The following UBAP2 variants were observed in gnomAD, a reference collection of about 807,000 sequenced individuals.
The protein encoded by UBAP2 is ubiquitin associated protein 2.
Under a neutral mutation model 139.6 loss-of-function variants are expected in UBAP2, and 75 were observed. The observed-to-expected ratio is 0.54, with a 90% CI of 0.45 to 0.65. The LOEUF (loss-of-function observed/expected upper bound fraction) is 0.65. UBAP2 is among the 30% of genes least tolerant of loss of function. The pLI, the probability that UBAP2 is intolerant of heterozygous loss-of-function variation, is 0.00. For synonymous variants in UBAP2, 526 were observed against 526.2 expected (o/e 1.00, Z 0.01); for missense variants, 1,368 against 1,369.6 (o/e 1.00, Z 0.02).
intron 10 of UBAP2, among the ~76,000 whole-genome samples, chr9:33,956,691 G>C (rs775503473): frequency 2.6e-5 from 4 of 152,072 alleles, no homozygotes; most frequent in South Asian, 2.1e-4. Flanking sequence ...GGAAAATGAT[G>C]AGACTAATGG....
At chr9:34,031,053 T>C (rs1389692649) in intron 1 of UBAP2, among the ~76,000 whole-genome samples, 2 of 152,120 alleles carry the variant, frequency 1.3e-5, no homozygotes, top group Non-Finnish European at 2.9e-5. Context: ...AAGACTAGCC[T>C]GGCAAGGTGG....
intron 1 of UBAP2, among the ~76,000 whole-genome samples, chr9:34,020,161 A>AC (rs1375090116): frequency 1.3e-5 from 2 of 151,360 alleles, no homozygotes; most frequent in African/African-American, 4.9e-5. Context: ...AAAAAAAAAA[A>AC]AAAAAAAAAA....
intron 1 of UBAP2, among the ~76,000 whole-genome samples, chr9:34,043,784 G>C (rs1827305339): frequency 6.6e-6 from 1 of 151,400 alleles, no homozygotes; most frequent in Non-Finnish European, 1.5e-5. Flanking sequence ...AGGAGCCATG[G>C]AGCCAGGCTC....
intron 1 of UBAP2, among the ~76,000 whole-genome samples, chr9:34,031,809 A>C (rs1161808704): frequency 6.6e-6 from 1 of 151,282 alleles, no homozygotes; most frequent in Non-Finnish European, 1.5e-5. Flanking sequence ...AAAAAGAAAG[A>C]AAAAAAGAGG....
chr9:33,922,862 C>A lies in UBAP2; in HGVS notation c.3089G>T (p.Gly1030Val). Residue 1030 changes from glycine (G) to valine (V), a missense_variant, in exon 28 of 29, where the codon GGA becomes GTA. Coordinates refer to ENST00000379238, the MANE Select transcript of UBAP2 (RefSeq NM_001370062.2). ...AGGTGGAGGCGTCCCTGCATGAAAT[C>A]CCTGCTTGTCAAAAGTCTACAGGGC... is the stretch of plus-strand genomic sequence containing the variant. Reference protein sequence around the residue: ...YNKTQTFDKQGFHAGTPPPFS... With the variant: ...YNKTQTFDKQVFHAGTPPPFS... The A allele has an allele frequency of 6.3e-7, 1 of 1,591,406 alleles. No homozygotes were observed. Among genetic ancestry groups the A allele is most frequent in the South Asian group, 1.1e-5 (1 of 88,148 alleles).
At chr9:33,986,890 A>G (rs765701943) in intron 5 of UBAP2, 53 bp from the exon 6 acceptor site, 5 of 1,485,122 alleles carry the variant, frequency 3.4e-6, no homozygotes, top group African/African-American at 2.8e-5. Context: ...CCTCTTGTAC[A>G]TAACCTTATC....
chr9:34,037,223 C>T (rs936998131), intron 1 of UBAP2, among the ~76,000 whole-genome samples: 2 of 152,040 alleles, frequency 1.3e-5, no homozygotes, highest in African/African-American at 4.8e-5. Flanking sequence ...CTCCTGACCT[C>T]GTGATCCGCC....
chr9:33,959,751 G>A (rs900739404), intron 10 of UBAP2, among the ~76,000 whole-genome samples: 2 of 152,052 alleles, frequency 1.3e-5, no homozygotes, highest in African/African-American at 4.8e-5. Flanking sequence ...AAGAGGTTGG[G>A]CATGGAACCA....
At chr9:34,007,615 CAT>C (rs1195749749) in intron 2 of UBAP2, among the ~76,000 whole-genome samples, 2 of 150,966 alleles carry the variant, frequency 1.3e-5, no homozygotes, top group East Asian at 1.9e-4. Context: ...TTGAAATGAT[CAT>C]ATGTTTTTTG....
intron 8 of UBAP2, among the ~76,000 whole-genome samples, chr9:33,965,235 T>A (rs1482443479): frequency 6.6e-6 from 1 of 152,208 alleles, no homozygotes; most frequent in Non-Finnish European, 1.5e-5. Context: ...ATCATTACTA[T>A]CCATTTCTAG....
At chr9:33,932,010 C>A (rs1037327800) in intron 19 of UBAP2, among the ~76,000 whole-genome samples, 3 of 152,268 alleles carry the variant, frequency 2.0e-5, no homozygotes, top group African/African-American at 7.2e-5. Context: ...CAACCCACCA[C>A]AATCTGGCTG....
intron 12 of UBAP2, among the ~76,000 whole-genome samples, chr9:33,952,511 G>A (rs1031243100): frequency 7.9e-5 from 12 of 152,024 alleles, no homozygotes; most frequent in African/African-American, 1.7e-4. Context: ...CTTATTTTAC[G>A]GTCTTAGGGG....
intron 12 of UBAP2, among the ~76,000 whole-genome samples, chr9:33,952,498 T>C (rs1387105905): frequency 6.6e-6 from 1 of 152,118 alleles, no homozygotes; most frequent in Non-Finnish European, 1.5e-5. Context: ...TAAGAAAATG[T>C]AGCTTATTTT....
At chr9:33,995,522 TAA>T (rs1822112265) in intron 4 of UBAP2, 1 of 96,658 alleles carries the variant, frequency 1.0e-5, no homozygotes, top group African/African-American at 3.6e-5. Context: ...ATTAAATATA[TAA>T]ATATATTTAT....
intron 1 of UBAP2, among the ~76,000 whole-genome samples, chr9:34,038,563 A>G (rs1826684967): frequency 6.6e-6 from 1 of 152,186 alleles, no homozygotes; most frequent in African/African-American, 2.4e-5. Context: ...GGGATTGCAG[A>G]CAGTGTCTCA....
intron 14 of UBAP2, 66 bp downstream of exon 14, chr9:33,944,299 C>T: frequency 6.4e-7 from 1 of 1,572,610 alleles, no homozygotes; most frequent in South Asian, 1.2e-5. Context: ...AACTTAGTAT[C>T]CCACTAGAGC....
intron 2 of UBAP2, among the ~76,000 whole-genome samples, chr9:34,016,295 A>G (rs1824297620): frequency 1.1e-5 from 1 of 92,990 alleles, no homozygotes; most frequent in Non-Finnish European, 2.2e-5. Flanking sequence ...GAGGAGGAGG[A>G]AGAGGAGGAA....
intron 1 of UBAP2, among the ~76,000 whole-genome samples, chr9:34,019,087 T>G (rs1341785053): frequency 6.6e-6 from 1 of 151,776 alleles, no homozygotes; most frequent in Non-Finnish European, 1.5e-5. Flanking sequence ...TTATGCTAAG[T>G]GAAATAAGCC....
chr9:33,931,185 T>A (rs1008482810), intron 19 of UBAP2, among the ~76,000 whole-genome samples: 12 of 152,326 alleles, frequency 7.9e-5, no homozygotes, highest in African/African-American at 2.9e-4. Context: ...AAAACACCCA[T>A]ATTTGGAAGG....
Sources: gnomAD v4.1 joint callset for allele counts (sites outside exome capture counted in the v4.1 genomes callset) on GRCh38, gnomAD v4.1.1 for gene constraint, MANE v1.5 for transcripts, NCBI Gene and HGNC (gene_info 2026-07-23, HGNC 2026-07-21) for gene names.